Variants in DENND5B observed in about 807,000 individuals in gnomAD.
DENND5B encodes DENN domain containing 5B, also known as DENN domain-containing protein 5B.
In DENND5B, 34 loss-of-function variants were observed where a neutral mutation model predicts 140.6. The ratio of observed to expected loss-of-function variants is 0.24; its 90% CI spans 0.18 to 0.32. The LOEUF is 0.32. DENND5B is among the 10% of genes least tolerant of loss of function. The probability of loss-of-function intolerance (pLI) is 1.00; values close to 1 mark genes in which losing one functional copy is unlikely to be tolerated. For missense variants in DENND5B, 1,142 were observed against 1,560.2 expected (o/e 0.73, Z 4.52); for synonymous variants, 551 against 562.1 (o/e 0.98, Z 0.28).
At chr12:31,530,054 T>C (rs10506075) in intron 1 of DENND5B, among the ~76,000 whole-genome samples, 11,491 of 152,224 alleles carry the variant, frequency 0.075, 609 homozygotes, top group South Asian at 0.19. Flanking sequence ...ACTAGTCACA[T>C]ATCTAAAGAG....
intron 2 of DENND5B, among the ~76,000 whole-genome samples, chr12:31,487,923 A>C (rs1033766488): frequency 1.1e-4 from 16 of 152,170 alleles, no homozygotes; most frequent in Non-Finnish European, 8.8e-5. Context: ...GTAAAGCACC[A>C]GGCTTAGTTC....
Position 31,454,900 on chromosome 12 carries a change from C to A in DENND5B, c.1093-2424G>T, listed in dbSNP as rs1206168737. ...GTGGTGCGATCTTGGCTCACTGCAA[C>A]CTCTGCCTCCTGGGTTCACGCCATT... is the stretch of plus-strand genomic sequence containing the variant. On this transcript the variant is annotated intron_variant, in intron 4 of 20. Transcript: ENST00000389082. 2.1e-5 allele frequency among the ~76,000 whole-genome samples: 3 copies of A among 141,884 alleles called. No homozygotes were observed. In the Admixed American group the frequency reaches 2.2e-4, roughly 10 times the overall value. 93.1% of individuals were successfully genotyped at this position (141,884 alleles called of 152,430 possible).
intron 3 of DENND5B, chr12:31,478,126 G>A (rs867525541): frequency 6.6e-6 from 1 of 152,054 alleles, no homozygotes; most frequent in Non-Finnish European, 1.5e-5. Context: ...ATTTAGATTG[G>A]TCATTAGAGA....
intron 1 of DENND5B, among the ~76,000 whole-genome samples, chr12:31,499,066 T>C (rs1398882222): frequency 2.0e-5 from 3 of 151,998 alleles, no homozygotes; most frequent in Non-Finnish European, 4.4e-5. Context: ...TGATGACTTT[T>C]GGGGATGAGA....
At chr12:31,590,569 C>T in intron 1 of DENND5B, 137 bp downstream of exon 1, 1 of 1,080,516 alleles carries the variant, frequency 9.3e-7, no homozygotes. Context: ...GCCCGAGCGC[C>T]AGTTCGGCCA....
chr12:31,580,065 C>G (rs1686811037), intron 1 of DENND5B, among the ~76,000 whole-genome samples: 1 of 151,988 alleles, frequency 6.6e-6, no homozygotes, highest in South Asian at 2.1e-4. Context: ...CCATGAAGAA[C>G]AAATCTGTAA....
At chr12:31,421,997 T>C (rs887714145) in intron 11 of DENND5B, among the ~76,000 whole-genome samples, 1 of 152,192 alleles carries the variant, frequency 6.6e-6, no homozygotes, top group Non-Finnish European at 1.5e-5. Flanking sequence ...TCCAGGGCAA[T>C]GTAGTCAGCT....
At chr12:31,435,524 T>G (rs1189037213) in intron 7 of DENND5B, among the ~76,000 whole-genome samples, 3 of 152,218 alleles carry the variant, frequency 2.0e-5, no homozygotes, top group Admixed American at 6.5e-5. Context: ...GTAGTCATGT[T>G]AACATCTGTT....
At chr12:31,435,460 T>G (rs1943703004) in intron 7 of DENND5B, among the ~76,000 whole-genome samples, 1 of 152,182 alleles carries the variant, frequency 6.6e-6, no homozygotes, top group Non-Finnish European at 1.5e-5. Flanking sequence ...CCAATCTTTT[T>G]CTCAGTGGAA....
intron 1 of DENND5B, among the ~76,000 whole-genome samples, chr12:31,546,973 C>G (rs1290672829): frequency 6.6e-6 from 1 of 152,154 alleles, no homozygotes; most frequent in Non-Finnish European, 1.5e-5. Flanking sequence ...TTAACAGAAA[C>G]AAAGAGTCAC....
chr12:31,462,414 G>C (rs145584467), intron 3 of DENND5B, among the ~76,000 whole-genome samples: 316 of 152,178 alleles, frequency 2.1e-3, no homozygotes, highest in Admixed American at 6.1e-3. Flanking sequence ...ATGGCCCCTA[G>C]AAGTAGAAAC....
At chr12:31,460,508 T>C in intron 3 of DENND5B, 127 bp from the exon 4 acceptor site, 2 of 831,290 alleles carry the variant, frequency 2.4e-6, no homozygotes, top group Non-Finnish European at 1.8e-6. Flanking sequence ...TTTATGATCA[T>C]ACAGAAAATA....
intron 1 of DENND5B, among the ~76,000 whole-genome samples, chr12:31,517,593 G>T (rs754611633): frequency 2.0e-5 from 3 of 152,180 alleles, no homozygotes; most frequent in Non-Finnish European, 4.4e-5. Flanking sequence ...TTTTACTAAC[G>T]ATTGTATTTG....
intron 1 of DENND5B, among the ~76,000 whole-genome samples, chr12:31,542,982 A>C (rs568720984): frequency 6.6e-6 from 1 of 152,262 alleles, no homozygotes; most frequent in East Asian, 1.9e-4. Context: ...ACTGAAAAAA[A>C]TGTTGTAGTG....
Position 31,590,757 on chromosome 12 carries a change from C to G in DENND5B, c.76G>C (p.Val26Leu), listed in dbSNP as rs1365253960. The change falls in exon 1 of 21, where the codon GTG becomes CTG. Residue 26 changes from valine (V) to leucine (L), a missense_variant. By Grantham distance (32) the Val-to-Leu change is conservative. Around this residue, in one of 5 missense-constraint regions of DENND5B, gnomAD observed 708 missense variants for 905.5 expected, o/e 0.78. Coordinates refer to ENST00000389082, the MANE Select transcript of DENND5B (RefSeq NM_144973.4). Reference protein sequence around the residue: ...PAACRFAHYFVLCGIDADSGL... With the variant: ...PAACRFAHYFLLCGIDADSGL... ...CTGTCCGCGTCGATCCCGCACAGCA[C>G]GAAGTAGTGCGCGAAGCGGCAGGCG... 3 of 1,421,910 alleles carry G rather than the reference C, an allele frequency of 2.1e-6. No individual in the cohort carries two copies. Among genetic ancestry groups the G allele is most frequent in the Admixed American group, 5.4e-5 (2 of 37,264 alleles). 88.1% of individuals were successfully genotyped at this position (1,421,910 alleles called of 1,614,324 possible).
intron 1 of DENND5B, among the ~76,000 whole-genome samples, chr12:31,497,988 G>C (rs1255555187): frequency 1.3e-5 from 2 of 150,626 alleles, no homozygotes; most frequent in Admixed American, 6.6e-5. Context: ...AGAGAGGAAA[G>C]AAAGGAAAAG....
chr12:31,432,531 G>GAGGCAGGAGC (rs1943553812), intron 8 of DENND5B: 1 of 152,132 alleles, frequency 6.6e-6, no homozygotes, highest in Non-Finnish European at 1.5e-5. Context: ...TTGGGAGGCT[G>GAGGCAGGAGC]AGGCAGGAGC....
At chr12:31,465,352 T>C (rs78582828) in intron 3 of DENND5B, 1,736 of 152,700 alleles carry the variant, frequency 0.011, 17 homozygotes, top group East Asian at 0.031. Context: ...ACACCTATGA[T>C]CCTGGATGCT....
chr12:31,424,209 C>T lies in DENND5B; in HGVS notation c.2391+326G>A, dbSNP rs559315512. ...CAAAGAGACCATTTGAATGATTTCA[C>T]CCTGAATTATTAGATAACTTAAAAT... On this transcript the variant is annotated intron_variant, in intron 10 of 20. Coordinates refer to ENST00000389082, the MANE Select transcript of DENND5B (RefSeq NM_144973.4). Among the ~76,000 whole-genome samples the T allele has an allele frequency of 2.6e-5, 4 of 152,216 alleles. No individual in the cohort carries two copies. In the East Asian group the frequency reaches 5.8e-4, roughly 22 times the overall value.
Sources: gnomAD v4.1 joint callset for allele counts (sites outside exome capture counted in the v4.1 genomes callset) on GRCh38, gnomAD v4.1.1 for gene constraint, gnomAD v4.1.1 regional missense constraint, MANE v1.5 for transcripts, NCBI Gene and HGNC (gene_info 2026-07-23, HGNC 2026-07-21) for gene names.